The following STXBP5L variants were observed in gnomAD, a reference collection of about 807,000 sequenced individuals.
STXBP5L encodes syntaxin binding protein 5L, also known as syntaxin-binding protein 5-like.
Under a neutral mutation model 144.5 loss-of-function variants are expected in STXBP5L, and 65 were observed. That is an observed-to-expected ratio of 0.45 (90% CI 0.37 to 0.55). The LOEUF (loss-of-function observed/expected upper bound fraction) is 0.55. STXBP5L is among the 20% of genes least tolerant of loss of function. The pLI, the probability that STXBP5L is intolerant of heterozygous loss-of-function variation, is 0.00. For synonymous variants in STXBP5L, 505 were observed against 469.6 expected, an observed-to-expected ratio of 1.08 and a Z score of -0.97; for missense variants, 1,298 against 1,405.5, an observed-to-expected ratio of 0.92 and a Z score of 1.22.
At chr3:121,388,765 T>C (rs868478908) in intron 22 of STXBP5L, among the ~76,000 whole-genome samples, 18 of 152,190 alleles carry the variant, frequency 1.2e-4, no homozygotes, top group Non-Finnish European at 1.5e-4. Flanking sequence ...GTGGATAAGC[T>C]TTTCGATGTG....
Position 121,083,898 on chromosome 3 carries a change from T to C in STXBP5L, c.471-31027T>C, listed in dbSNP as rs977487001. 1.0e-3 allele frequency among the ~76,000 whole-genome samples: 157 copies of C among 152,300 alleles called. 1 individual carries two copies. Among genetic ancestry groups the C allele is most frequent in the African/African-American group, 3.5e-3 (144 of 41,576 alleles). On this transcript the variant is annotated intron_variant, in intron 5 of 26. Coordinates refer to ENST00000471454, the MANE Select transcript of STXBP5L (RefSeq NM_001308330.2). ...TAAATGTATTTGTGTGGAGTTGTTA[T>C]CATTTTCAAAGCTGCATGGTCTGTA... is the stretch of plus-strand genomic sequence containing the variant.
At chr3:121,328,515 G>A (rs1034283497) in intron 20 of STXBP5L, among the ~76,000 whole-genome samples, 37 of 152,146 alleles carry the variant, frequency 2.4e-4, no homozygotes, top group Admixed American at 2.0e-3. Flanking sequence ...TTGGGAGGCC[G>A]AGGCAGGTAG....
In STXBP5L at chr3:121,205,940, G is replaced by T; in HGVS notation, c.895G>T (p.Gly299Ter). ...TTCTTTAGGAAAAAGTCAAAGAGAA[G>T]GAAGAAAATCTGAATCTTGTAAACC... ...TIPHGKSQRE[G>*]RKSESCKPIL... Residue 299 changes from glycine (G) to a stop codon, truncating the protein, a stop_gained, in exon 10 of 27, where the codon GGA becomes TGA. Transcript: ENST00000471454. LOFTEE classifies it high-confidence loss of function. 6.6e-7 allele frequency: 1 copy of T among 1,507,638 alleles called. No individual in the cohort carries two copies. Among genetic ancestry groups the T allele is most frequent in the Admixed American group, 2.3e-5 (1 of 43,522 alleles). The allele number at this position is 1,507,638 out of a possible 1,614,324, so 93.4% of individuals were successfully genotyped here. A position where few individuals can be genotyped will look rare whatever the true frequency, so the allele number is the denominator to read the frequency against.
At chr3:121,286,969 T>C (rs1325994125) in intron 19 of STXBP5L, among the ~76,000 whole-genome samples, 1 of 152,062 alleles carries the variant, frequency 6.6e-6, no homozygotes, top group Non-Finnish European at 1.5e-5. Context: ...GAGATGAAGA[T>C]GAGAAACCAA....
At chr3:121,190,520 C>T (rs573091216) in intron 9 of STXBP5L, among the ~76,000 whole-genome samples, 33 of 152,300 alleles carry the variant, frequency 2.2e-4, no homozygotes, top group Admixed American at 9.1e-4. Flanking sequence ...CTTTTCTATT[C>T]GACAAAACCG....
rs532614896 is a variant in STXBP5L, at chr3:121,034,319, A to G, written c.288-7381A>G. On this transcript the variant is annotated intron_variant, in intron 3 of 26. Coordinates refer to ENST00000471454, the MANE Select transcript of STXBP5L (RefSeq NM_001308330.2). ...CCACCTTTCTGAGTGTCCAATGTCT[A>G]TTATTTCACACTTTATGTCCATGTG... 4.6e-5 allele frequency among the ~76,000 whole-genome samples: 7 copies of G among 152,146 alleles called. No homozygotes were observed. In the South Asian group the frequency reaches 8.3e-4, roughly 18 times the overall value.
At chr3:121,283,895 T>TTGTGTGTG (rs59432986) in intron 19 of STXBP5L, among the ~76,000 whole-genome samples, 41 of 116,194 alleles carry the variant, frequency 3.5e-4, no homozygotes, top group African/African-American at 1.2e-3. Flanking sequence ...GTGTGTGTGC[T>TTGTGTGTG]TGTGTGTGTG....
At chr3:121,072,504 G>A (rs989131482) in intron 5 of STXBP5L, among the ~76,000 whole-genome samples, 1 of 152,164 alleles carries the variant, frequency 6.6e-6, no homozygotes, top group Non-Finnish European at 1.5e-5. Context: ...TGAACCGGGG[G>A]GCTATTGCTT....
At chr3:121,096,483 C>G (rs1375055624) in intron 5 of STXBP5L, among the ~76,000 whole-genome samples, 1 of 152,150 alleles carries the variant, frequency 6.6e-6, no homozygotes, top group African/African-American at 2.4e-5. Context: ...TTCTCCCCAT[C>G]TTCATGGATT....
intron 20 of STXBP5L, among the ~76,000 whole-genome samples, chr3:121,358,931 A>C (rs77400789): frequency 6.6e-6 from 1 of 152,152 alleles, no homozygotes; most frequent in East Asian, 1.9e-4. Context: ...AGGATAGTAG[A>C]TGTCTTTTCA....
At chr3:121,042,247 G>T (rs572257324) in intron 4 of STXBP5L, among the ~76,000 whole-genome samples, 35 of 152,126 alleles carry the variant, frequency 2.3e-4, no homozygotes, top group East Asian at 1.9e-4. Context: ...TGCATTTGTA[G>T]TTATTTTTGT....
chr3:121,145,456 ATACTC>A (rs1310891234), intron 7 of STXBP5L, among the ~76,000 whole-genome samples: 2 of 151,916 alleles, frequency 1.3e-5, no homozygotes, highest in East Asian at 1.9e-4. Flanking sequence ...GGAGAATTCT[ATACTC>A]TACAAAAATA....
chr3:120,997,371 A>T (rs763525463), intron 3 of STXBP5L, among the ~76,000 whole-genome samples: 4 of 152,294 alleles, frequency 2.6e-5, no homozygotes, highest in Admixed American at 2.6e-4. Flanking sequence ...CTCCAAACTG[A>T]TTTCCACAGG....
In STXBP5L at chr3:121,056,551, A is replaced by G. The variant is rs139362683; in HGVS notation, c.470+11016A>G. On this transcript the variant is annotated intron_variant, in intron 5 of 26. Coordinates refer to ENST00000471454, the MANE Select transcript of STXBP5L (RefSeq NM_001308330.2). ...GAATTGGCTTTTGCAGACCCAATTT[A>G]TAACCCACATTTAAAATATTTTATA... is the stretch of plus-strand genomic sequence containing the variant. Among the ~76,000 whole-genome samples, 819 of 152,298 alleles carry G rather than the reference A, an allele frequency of 5.4e-3. 11 individuals are homozygous for G. The highest frequency in any genetic ancestry group is 0.019 in the African/African-American group (785 of 41,570).
chr3:121,330,405 T>G (rs1404608837), intron 20 of STXBP5L, among the ~76,000 whole-genome samples: 1 of 152,130 alleles, frequency 6.6e-6, no homozygotes, highest in Non-Finnish European at 1.5e-5. Flanking sequence ...CGGGGCTGCT[T>G]CTTGCACCCA....
intron 22 of STXBP5L, 93 bp from the exon 23 acceptor site, chr3:121,407,148 CTA>C: frequency 7.0e-7 from 1 of 1,424,780 alleles, no homozygotes. Flanking sequence ...TATTATGACT[CTA>C]TAGGTATAAA....
At chr3:121,060,137 A>G (rs1193879199) in intron 5 of STXBP5L, among the ~76,000 whole-genome samples, 1 of 152,118 alleles carries the variant, frequency 6.6e-6, no homozygotes, top group Non-Finnish European at 1.5e-5. Flanking sequence ...TTATTTTGAG[A>G]TACGTTCCAT....
At chr3:121,383,743 T>C (rs964133214) in intron 22 of STXBP5L, among the ~76,000 whole-genome samples, 1 of 152,112 alleles carries the variant, frequency 6.6e-6, no homozygotes, top group Non-Finnish European at 1.5e-5. Flanking sequence ...ATTTTGTGCT[T>C]CCTCTTTCAG....
chr3:120,908,686 C>G (rs971802193), intron 1 of STXBP5L, among the ~76,000 whole-genome samples: 43 of 151,500 alleles, frequency 2.8e-4, no homozygotes, highest in Admixed American at 2.8e-3. Flanking sequence ...GGACTCGGGC[C>G]GCAGCCGTCG....
Sources: gnomAD v4.1 joint callset for allele counts (sites outside exome capture counted in the v4.1 genomes callset) on GRCh38, gnomAD v4.1.1 for gene constraint, MANE v1.5 for transcripts, NCBI Gene and HGNC (gene_info 2026-07-23, HGNC 2026-07-21) for gene names.